ZFPM2: variants seen among roughly 807,000 people sequenced by gnomAD.
ZFPM2 encodes the protein zinc finger protein ZFPM2.
In ZFPM2, 20 loss-of-function variants were observed where a neutral mutation model predicts 98.6. The ratio of observed to expected loss-of-function variants is 0.20; its 90% CI spans 0.14 to 0.29. The LOEUF is 0.29. Among genes scored for constraint, ZFPM2 ranks in the 10% least tolerant of loss-of-function variants. The probability of loss-of-function intolerance (pLI) is 1.00; values close to 1 mark genes in which losing one functional copy is unlikely to be tolerated. For synonymous variants in ZFPM2, 518 were observed against 502.7 expected, an observed-to-expected ratio of 1.03 and a Z score of -0.41; for missense variants, 1,310 against 1,388.6, an observed-to-expected ratio of 0.94 and a Z score of 0.90.
intron 3 of ZFPM2, among the ~76,000 whole-genome samples, chr8:105,502,816 G>A (rs1458453564): frequency 6.6e-6 from 1 of 152,118 alleles, no homozygotes; most frequent in Non-Finnish European, 1.5e-5. Flanking sequence ...ACCATACTTG[G>A]GTTAGGTGAG....
rs568146271 is a variant in ZFPM2, at chr8:105,398,003, A to G, written c.41-21141A>G. On this transcript the variant is annotated intron_variant, in intron 1 of 7. Coordinates refer to ENST00000407775, the MANE Select transcript of ZFPM2 (RefSeq NM_012082.4). ...TATTATTTGTTAACATGTAAGGGAAACATAAGAGATGATAACCAAAAAGTA... is the reference window on the plus strand; with the variant it reads ...TATTATTTGTTAACATGTAAGGGAAGCATAAGAGATGATAACCAAAAAGTA... Among the ~76,000 whole-genome samples the G allele has an allele frequency of 2.6e-5, 4 of 152,298 alleles. No homozygotes were observed. The East Asian group carries it at 7.7e-4, about 29-fold the overall frequency.
At chr8:105,719,334 C>T (rs1464373849) in intron 5 of ZFPM2, among the ~76,000 whole-genome samples, 1 of 151,836 alleles carries the variant, frequency 6.6e-6, no homozygotes, top group Non-Finnish European at 1.5e-5. Context: ...GTAAGTGATA[C>T]AAAAAGTACA....
At chr8:105,597,123 A>G (rs1053251421) in intron 4 of ZFPM2, among the ~76,000 whole-genome samples, 64 of 152,078 alleles carry the variant, frequency 4.2e-4, no homozygotes, top group African/African-American at 1.5e-3. Flanking sequence ...AAAAAAATGC[A>G]TTATTAATAG....
At chr8:105,381,811 T>C (rs567157058) in intron 1 of ZFPM2, among the ~76,000 whole-genome samples, 1 of 152,266 alleles carries the variant, frequency 6.6e-6, no homozygotes, top group South Asian at 2.1e-4. Context: ...TACGTAATTG[T>C]GGTTTTTTTG....
At chr8:105,648,204 T>C (rs1452894829) in intron 5 of ZFPM2, among the ~76,000 whole-genome samples, 1 of 152,192 alleles carries the variant, frequency 6.6e-6, no homozygotes, top group Non-Finnish European at 1.5e-5. Flanking sequence ...TCATGTCCTT[T>C]GCCCACTTTT....
intron 5 of ZFPM2, among the ~76,000 whole-genome samples, chr8:105,784,316 G>T (rs1813347598): frequency 7.8e-6 from 1 of 128,394 alleles, no homozygotes; most frequent in African/African-American, 5.0e-5. Context: ...AACTATGTCT[G>T]TTTTTAACTG....
chr8:105,795,284 G>GTGTGTGTGTGTGTGT (rs1813763141), intron 6 of ZFPM2, among the ~76,000 whole-genome samples: 4 of 148,912 alleles, frequency 2.7e-5, no homozygotes, highest in African/African-American at 1.0e-4. Context: ...GTGTGTGTGT[G>GTGTGTGTGTGTGTGT]GTCAATTGTC....
Position 105,442,376 on chromosome 8 carries a change from C to CA in ZFPM2, c.200-1896dup, listed in dbSNP as rs201776740. Among the ~76,000 whole-genome samples, 29 of 151,798 alleles carry CA rather than the reference C, an allele frequency of 1.9e-4. 1 individual carries two copies. The East Asian group carries it at 5.3e-3, about 28-fold the overall frequency. On this transcript the variant is annotated intron_variant, in intron 2 of 7. Transcript: ENST00000407775. ...AACAAAAACAAAAACAAAAAAACAA[C>CA]AAAAAAAACTTGGACCTTACCTTGC... is the stretch of plus-strand genomic sequence containing the variant.
intron 3 of ZFPM2, among the ~76,000 whole-genome samples, chr8:105,467,753 G>C (rs1434448091): frequency 2.6e-5 from 4 of 151,726 alleles, no homozygotes; most frequent in Non-Finnish European, 5.9e-5. Context: ...ACACACACAT[G>C]TATATATATA....
At position 105,737,145 on chromosome 8, in the gene ZFPM2, A is replaced by G. The variant is rs1812093270; in HGVS notation, c.533-51573A>G. 4 of 152,196 alleles carry G rather than the reference A, an allele frequency of 2.6e-5. No individual in the cohort carries two copies. In the South Asian group the frequency reaches 8.3e-4, roughly 32 times the overall value. The allele number at this position is 152,196 out of a possible 1,614,324, so 9.4% of individuals were successfully genotyped here. A position where few individuals can be genotyped will look rare whatever the true frequency, so the allele number is the denominator to read the frequency against. ...TTGGAGAACAAGGGAGTTTGTGTGC[A>G]TGATCATCTTAATCAAATTTGAGAA... is the stretch of plus-strand genomic sequence containing the variant. On this transcript the variant is annotated intron_variant, in intron 5 of 7. Coordinates refer to ENST00000407775, the MANE Select transcript of ZFPM2 (RefSeq NM_012082.4).
At chr8:105,428,844 A>G (rs1304142844) in intron 2 of ZFPM2, among the ~76,000 whole-genome samples, 1 of 152,212 alleles carries the variant, frequency 6.6e-6, no homozygotes, top group East Asian at 1.9e-4. Flanking sequence ...AGTGGAAGTG[A>G]GATAAACATA....
chr8:105,676,280 G>A (rs1173282261), intron 5 of ZFPM2, among the ~76,000 whole-genome samples: 1 of 152,112 alleles, frequency 6.6e-6, no homozygotes, highest in African/African-American at 2.4e-5. Flanking sequence ...GAAGTGCTTT[G>A]TACCACCTAG....
At chr8:105,465,420 G>T (rs1252454800) in intron 3 of ZFPM2, among the ~76,000 whole-genome samples, 3 of 151,810 alleles carry the variant, frequency 2.0e-5, no homozygotes, top group East Asian at 1.9e-4. Context: ...AGGACAGAAG[G>T]TTGCATAATT....
At chr8:105,702,428 T>C (rs550963993) in intron 5 of ZFPM2, among the ~76,000 whole-genome samples, 2 of 152,202 alleles carry the variant, frequency 1.3e-5, no homozygotes, top group Admixed American at 1.3e-4. Context: ...AGAAATGGGG[T>C]GATAGTAACA....
At chr8:105,761,101 C>G (rs767571569) in intron 5 of ZFPM2, among the ~76,000 whole-genome samples, 3 of 151,934 alleles carry the variant, frequency 2.0e-5, no homozygotes, top group Non-Finnish European at 2.9e-5. Context: ...CATGTTATCT[C>G]AGTCTTTGGG....
At chr8:105,346,801 T>A (rs775819321) in intron 1 of ZFPM2, among the ~76,000 whole-genome samples, 1 of 152,192 alleles carries the variant, frequency 6.6e-6, no homozygotes, top group Non-Finnish European at 1.5e-5. Flanking sequence ...CTCCATTTTG[T>A]CAGTGAAAGG....
chr8:105,688,525 T>A (rs1050105839), intron 5 of ZFPM2, among the ~76,000 whole-genome samples: 2 of 152,102 alleles, frequency 1.3e-5, no homozygotes, highest in African/African-American at 4.8e-5. Flanking sequence ...AAATAAAATA[T>A]TTAATGGGCG....
intron 5 of ZFPM2, among the ~76,000 whole-genome samples, chr8:105,672,334 A>G (rs906145227): frequency 5.9e-5 from 9 of 151,830 alleles, no homozygotes; most frequent in African/African-American, 2.2e-4. Context: ...ATTGGCATTT[A>G]TAAATTATAT....
chr8:105,573,178 A>G (rs530913924), intron 4 of ZFPM2, among the ~76,000 whole-genome samples: 85 of 152,120 alleles, frequency 5.6e-4, no homozygotes, highest in Admixed American at 8.5e-4. Context: ...GCCACTCACA[A>G]TATGGCAGCT....
Sources: gnomAD v4.1 joint callset for allele counts (sites outside exome capture counted in the v4.1 genomes callset) on GRCh38, gnomAD v4.1.1 for gene constraint, MANE v1.5 for transcripts, NCBI Gene and HGNC (gene_info 2026-07-23, HGNC 2026-07-21) for gene names.